Variants in HACE1 observed in about 807,000 individuals in gnomAD.
HACE1 encodes E3 ubiquitin-protein ligase HACE1.
In HACE1, 73 loss-of-function variants were observed where a neutral mutation model predicts 118.4. The observed-to-expected ratio is 0.62, with a 90% confidence interval of 0.51 to 0.75. The LOEUF (loss-of-function observed/expected upper bound fraction) is 0.75, where lower values mean the gene tolerates loss of function less well. Ranked by LOEUF, HACE1 falls within the 30% of genes least tolerant of loss-of-function variation. HACE1 has a pLI of 0.00. For missense variants in HACE1, 749 were observed against 1,102.2 expected (o/e 0.68, Z 4.54); for synonymous variants, 368 against 374.8 (o/e 0.98, Z 0.21).
At chr6:104,742,872 T>C (rs112774848) in intron 22 of HACE1, among the ~76,000 whole-genome samples, 34,031 of 151,722 alleles carry the variant, frequency 0.22, 4,925 homozygotes, top group African/African-American at 0.42. Context: ...CATATGTTTA[T>C]TGCGGCATTA....
At chr6:104,858,473 G>A (rs1232273038) in intron 1 of HACE1, 1 of 400,652 alleles carries the variant, frequency 2.5e-6, no homozygotes, top group South Asian at 1.8e-5. Context: ...GGAGCAGGGT[G>A]CGGATCACTT....
intron 6 of HACE1, among the ~76,000 whole-genome samples, chr6:104,821,428 T>C (rs1415161541): frequency 1.3e-5 from 2 of 152,118 alleles, no homozygotes; most frequent in Non-Finnish European, 2.9e-5. Flanking sequence ...AAATATATAT[T>C]AGCATGCAAT....
Position 104,833,059 on chromosome 6 carries a change from G to A in HACE1, c.517C>T (p.Gln173Ter), listed in dbSNP as rs1774166264. The A allele has an allele frequency of 1.2e-6, 2 of 1,613,172 alleles. No homozygotes were observed. The highest frequency in any genetic ancestry group is 1.7e-6 in the Non-Finnish European group (2 of 1,179,266). The part of the protein sequence containing the change: ...MGQTALHVAC[Q>*]NGHKTTVQCL... ...CAACTTACCGTCTTGTGACCGTTCT[G>A]GCAGGCAACATGCAGTGCTGTCTGC... The change falls in exon 6 of 24, where the codon CAG becomes TAG. Residue 173 changes from glutamine to a stop codon, truncating the protein, a stop_gained. Coordinates refer to ENST00000262903, the MANE Select transcript of HACE1 (RefSeq NM_020771.4). LOFTEE classifies it high-confidence loss of function.
chr6:104,834,258 T>TCTCAGATAATCCTGGACTCC (rs1451116172), intron 5 of HACE1, among the ~76,000 whole-genome samples: 4 of 152,198 alleles, frequency 2.6e-5, no homozygotes, highest in African/African-American at 9.6e-5. Context: ...ACTCTATGCA[T>TCTCAGATAATCCTGGACTCC]AGTTTGTCTC....
intron 1 of HACE1, 188 bp downstream of exon 1, chr6:104,859,379 C>T: frequency 1.9e-6 from 1 of 534,452 alleles, no homozygotes; most frequent in Non-Finnish European, 3.3e-6. Flanking sequence ...AAACTCCCAC[C>T]TGCCGGGGTG....
intron 7 of HACE1, among the ~76,000 whole-genome samples, chr6:104,806,958 G>A (rs13197817): frequency 0.15 from 22,045 of 151,180 alleles, 1,627 homozygotes; most frequent in Middle Eastern, 0.22. Context: ...GTATGAAACA[G>A]ATCATATTTT....
chr6:104,842,473 G>A (rs527976655), intron 5 of HACE1: 18 of 150,680 alleles, frequency 1.2e-4, no homozygotes, highest in African/African-American at 4.4e-4. Context: ...TTTTTTAACC[G>A]TGATTATCTC....
At chr6:104,773,770 T>TAA (rs200294864) in intron 17 of HACE1, among the ~76,000 whole-genome samples, 84 of 141,940 alleles carry the variant, frequency 5.9e-4, no homozygotes, top group African/African-American at 1.9e-3. Flanking sequence ...GGAGACTTTT[T>TAA]TAAAAAAAAA....
At chr6:104,849,624 T>A (rs956352412) in intron 3 of HACE1, among the ~76,000 whole-genome samples, 2 of 150,312 alleles carry the variant, frequency 1.3e-5, no homozygotes, top group Non-Finnish European at 2.9e-5. Context: ...ATTACAGGTG[T>A]GAGCCGCCAT....
rs1246529330 is a variant in HACE1 at position 104,728,842 on chromosome 6, TATTTAAATTATAATTTGCAC to T, written c.*800_*819del. ...AATTTAAGAAGCAAAAAAATTAACATATTTAAATTATAATTTGCACATCAGATTACTTTTTCAGATGTGTC... is the reference window on the plus strand; with the variant it reads ...AATTTAAGAAGCAAAAAAATTAACATATCAGATTACTTTTTCAGATGTGTC... On this transcript the variant is annotated 3_prime_UTR_variant, in exon 24 of 24. Transcript: ENST00000262903. 1 of 152,368 alleles carries T rather than the reference TATTTAAATTATAATTTGCAC, an allele frequency of 6.6e-6. No individual in the cohort carries two copies. Among genetic ancestry groups the T allele is most frequent in the Non-Finnish European group, 1.5e-5 (1 of 68,004 alleles). 9.4% of individuals were successfully genotyped at this position (152,368 alleles called of 1,614,324 possible).
intron 6 of HACE1, among the ~76,000 whole-genome samples, chr6:104,821,470 GAA>G (rs1349583360): frequency 6.6e-6 from 1 of 151,954 alleles, no homozygotes; most frequent in East Asian, 1.9e-4. Context: ...CTGTAATAAA[GAA>G]ATTTTAACAA....
intron 19 of HACE1, among the ~76,000 whole-genome samples, chr6:104,754,809 T>G (rs1049555537): frequency 6.6e-6 from 1 of 151,994 alleles, no homozygotes; most frequent in Non-Finnish European, 1.5e-5. Flanking sequence ...AAAGAAAAAA[T>G]TGTTACCAGC....
chr6:104,843,424 A>T (rs1775305232), intron 4 of HACE1, 126 bp from the exon 5 acceptor site: 3 of 697,734 alleles, frequency 4.3e-6, no homozygotes, highest in Non-Finnish European at 7.8e-6. Flanking sequence ...TATCTGTAAT[A>T]TCAAGCCATA....
intron 1 of HACE1, 22 bp from the exon 2 acceptor site, chr6:104,852,393 G>A: frequency 7.4e-7 from 1 of 1,343,588 alleles, no homozygotes; most frequent in Non-Finnish European, 1.1e-6. Context: ...AAAACAAAGA[G>A]TTCATTTATC....
At chr6:104,784,061 TA>T in intron 14 of HACE1, 24 bp downstream of exon 14, 2 of 1,173,106 alleles carry the variant, frequency 1.7e-6, no homozygotes, top group Non-Finnish European at 2.6e-6. Flanking sequence ...TTAGATAGAA[TA>T]AAAAGATGAA....
intron 6 of HACE1, 99 bp from the exon 7 acceptor site, chr6:104,811,492 C>G: frequency 1.5e-6 from 1 of 649,476 alleles, no homozygotes; most frequent in Non-Finnish European, 2.9e-6. Context: ...CTTCCCACAA[C>G]TTGAAGCTTT....
chr6:104,858,006 T>C (rs989512973), intron 1 of HACE1, among the ~76,000 whole-genome samples: 2 of 150,708 alleles, frequency 1.3e-5, no homozygotes, highest in Admixed American at 1.3e-4. Flanking sequence ...TAAAAGACTA[T>C]ATGCAACATG....
At chr6:104,735,959 CA>C (rs1279942306) in intron 22 of HACE1, among the ~76,000 whole-genome samples, 1 of 151,484 alleles carries the variant, frequency 6.6e-6, no homozygotes, top group Non-Finnish European at 1.5e-5. Context: ...TTGCTAAATT[CA>C]AAAAGTTATA....
intron 20 of HACE1, among the ~76,000 whole-genome samples, chr6:104,746,888 T>C (rs890664485): frequency 6.6e-6 from 1 of 152,206 alleles, no homozygotes; most frequent in African/African-American, 2.4e-5. Flanking sequence ...CTTTCAATAA[T>C]ATTAAGTATG....
Sources: gnomAD v4.1 joint callset for allele counts (sites outside exome capture counted in the v4.1 genomes callset) on GRCh38, gnomAD v4.1.1 for gene constraint, MANE v1.5 for transcripts, NCBI Gene and HGNC (gene_info 2026-07-23, HGNC 2026-07-21) for gene names.